FBN2: variants seen among roughly 807,000 people sequenced by gnomAD.
The protein encoded by FBN2 is fibrillin-2.
A neutral mutation model predicts 355.6 loss-of-function variants in FBN2; 105 were observed. That is an observed-to-expected ratio of 0.30 (90% CI 0.25 to 0.35). FBN2 has a LOEUF of 0.35. Ranked by LOEUF, FBN2 falls within the 10% of genes least tolerant of loss-of-function variation. The probability of loss-of-function intolerance (pLI) is 1.00; values close to 1 mark genes in which losing one functional copy is unlikely to be tolerated. For missense variants in FBN2, 3,280 were observed against 3,758.7 expected, an observed-to-expected ratio of 0.87 and a Z score of 3.33; for synonymous variants, 1,350 against 1,301.2, an observed-to-expected ratio of 1.04 and a Z score of -0.81.
At chr5:128,502,586 G>C (rs965416546) in intron 5 of FBN2, among the ~76,000 whole-genome samples, 2 of 117,930 alleles carry the variant, frequency 1.7e-5, no homozygotes, top group African/African-American at 1.0e-4. Context: ...ATCTATAGGT[G>C]AGGTGAAAAA....
At chr5:128,329,755 T>G (rs996661761) in intron 33 of FBN2, among the ~76,000 whole-genome samples, 1 of 152,238 alleles carries the variant, frequency 6.6e-6, no homozygotes, top group Non-Finnish European at 1.5e-5. Flanking sequence ...ATTTTTGATG[T>G]CCACAATTTG....
chr5:128,373,055 T>C (rs909087959), intron 15 of FBN2, among the ~76,000 whole-genome samples: 1 of 152,212 alleles, frequency 6.6e-6, no homozygotes, highest in African/African-American at 2.4e-5. Flanking sequence ...ATGTTTTTAT[T>C]TTAAAAAGTT....
At position 128,311,394 on chromosome 5, in the gene FBN2, G is replaced by A. The variant is rs1401277013; in HGVS notation, c.4980C>T (p.Leu1660=). The change falls in exon 39 of 65, where the codon CTC becomes CTT. Residue 1660 remains leucine (L), a synonymous_variant. Transcript: ENST00000262464. ...DIDECQELPG[L]CQGGNCINTF... ...TGTTGATGCAGTTTCCACCCTGGCA[G>A]AGACCTGGTAACTCCTGGCATTCGT... 1 of 1,614,122 alleles carries A rather than the reference G, an allele frequency of 6.2e-7. No homozygotes were observed. Among genetic ancestry groups the A allele is most frequent in the Admixed American group, 1.7e-5 (1 of 60,024 alleles).
In FBN2 at chr5:128,378,793, A is replaced by G. The variant is rs912410445; in HGVS notation, c.1701T>C (p.Thr567=). The G allele has an allele frequency of 6.2e-7, 1 of 1,613,078 alleles. No homozygotes were observed. The highest frequency in any genetic ancestry group is 1.3e-5 in the African/African-American group (1 of 74,886). The change falls in exon 12 of 65, where the codon ACT becomes ACC. Residue 567 remains threonine (T), a synonymous_variant. Transcript: ENST00000262464. ...YCKCHAGFQR[T]PTKQACIDID... is the part of the protein sequence containing the mutation. The stretch of plus-strand genomic sequence containing the variant: ...TACCAATGCATGCTTGCTTGGTAGG[A>G]GTCCTCTGGAATCCAGCATGACATT...
At chr5:128,328,394 T>A (rs951196748) in intron 34 of FBN2, 82 of 592,222 alleles carry the variant, frequency 1.4e-4, no homozygotes, top group Non-Finnish European at 2.3e-4. Context: ...CTGAATAGTT[T>A]CTCCACATGT....
intron 7 of FBN2, among the ~76,000 whole-genome samples, chr5:128,416,015 C>T (rs920637289): frequency 6.7e-6 from 1 of 149,936 alleles, no homozygotes; most frequent in East Asian, 1.9e-4. Context: ...GAGAAATGTC[C>T]ATAGTTTGCA....
Position 128,418,573 on chromosome 5 carries a change from T to A in FBN2, c.953-9774A>T, listed in dbSNP as rs188682993. Among the ~76,000 whole-genome samples, 54 of 152,310 alleles carry A rather than the reference T, an allele frequency of 3.5e-4. 1 individual carries two copies. The highest frequency in any genetic ancestry group is 1.3e-3 in the African/African-American group (53 of 41,588). Reference sequence around the variant, plus strand: ...ATTGTCATTTGTTTCAAGACATTTTTAAAATGTCCTTATTCCTTTCTTCAT... The same window carrying A: ...ATTGTCATTTGTTTCAAGACATTTTAAAAATGTCCTTATTCCTTTCTTCAT... On this transcript the variant is annotated intron_variant, in intron 7 of 64. Coordinates refer to ENST00000262464, the MANE Select transcript of FBN2 (RefSeq NM_001999.4).
intron 8 of FBN2, among the ~76,000 whole-genome samples, chr5:128,406,359 C>A (rs1289271422): frequency 6.6e-6 from 1 of 152,162 alleles, no homozygotes; most frequent in Non-Finnish European, 1.5e-5. Context: ...ACATGAAATT[C>A]TTTTTCTTCA....
intron 7 of FBN2, among the ~76,000 whole-genome samples, chr5:128,438,961 A>AAC (rs1048081129): frequency 5.3e-5 from 8 of 152,102 alleles, no homozygotes; most frequent in African/African-American, 1.7e-4. Flanking sequence ...TCTATGCATT[A>AAC]ACACACACAC....
chr5:128,314,061 G>C (rs1416194885), intron 36 of FBN2, among the ~76,000 whole-genome samples: 1 of 151,800 alleles, frequency 6.6e-6, no homozygotes, highest in Non-Finnish European at 1.5e-5. Context: ...CTGTAAGCCA[G>C]AGTGACCCTT....
Position 128,393,197 on chromosome 5 carries a change from G to A in FBN2, c.1403C>T (p.Ser468Phe), listed in dbSNP as rs755762373. 2 of 1,614,178 alleles carry A rather than the reference G, an allele frequency of 1.2e-6. No individual in the cohort carries two copies. Among genetic ancestry groups the A allele is most frequent in the Non-Finnish European group, 1.7e-6 (2 of 1,180,024 alleles). The change falls in exon 10 of 65, where the codon TCT becomes TTT. Residue 468 changes from serine (S) to phenylalanine (F), a missense_variant. Physicochemically the swap from Ser to Phe is radical, Grantham distance 155. Transcript: ENST00000262464. ...CACACCGGCTCCCCCAACGCCAGGA[G>A]AAAAGCCATTGCCTCCAGGGATGGG... Reference protein sequence around the residue: ...FIPIPGGNGFSPGVGGAGVGA... With the variant: ...FIPIPGGNGFFPGVGGAGVGA...
At chr5:128,267,132 A>G (rs1243492250) in intron 62 of FBN2, among the ~76,000 whole-genome samples, 1 of 152,188 alleles carries the variant, frequency 6.6e-6, no homozygotes, top group Non-Finnish European at 1.5e-5. Context: ...AGCTTCATCC[A>G]TGTCCCTGCA....
At chr5:128,513,668 C>CT (rs1756193846) in intron 5 of FBN2, among the ~76,000 whole-genome samples, 1 of 152,188 alleles carries the variant, frequency 6.6e-6, no homozygotes, top group Admixed American at 6.5e-5. Context: ...AAAGCCTGGC[C>CT]TCTCCCAGGT....
intron 5 of FBN2, among the ~76,000 whole-genome samples, chr5:128,471,118 G>T (rs1299401329): frequency 6.6e-6 from 1 of 152,044 alleles, no homozygotes; most frequent in Non-Finnish European, 1.5e-5. Context: ...TCTTGTATGG[G>T]AGTTACAGAC....
intron 7 of FBN2, among the ~76,000 whole-genome samples, chr5:128,443,982 T>C (rs926154569): frequency 6.6e-6 from 1 of 151,902 alleles, no homozygotes; most frequent in Non-Finnish European, 1.5e-5. Context: ...GTAGCAACTG[T>C]TTATAGTTTT....
intron 7 of FBN2, among the ~76,000 whole-genome samples, chr5:128,409,757 T>G (rs1032391301): frequency 6.6e-6 from 1 of 152,184 alleles, no homozygotes; most frequent in Admixed American, 6.5e-5. Flanking sequence ...AGATAATTAC[T>G]GAAAAGTCAA....
intron 11 of FBN2, among the ~76,000 whole-genome samples, chr5:128,390,784 G>A (rs530096646): frequency 3.0e-4 from 45 of 152,234 alleles, no homozygotes; most frequent in Non-Finnish European, 5.6e-4. Flanking sequence ...ACATTTTCTT[G>A]AAAATAATGC....
chr5:128,261,960 T>C, intron 63 of FBN2, 53 bp from the exon 64 acceptor site: 1 of 1,486,482 alleles, frequency 6.7e-7, no homozygotes, highest in Non-Finnish European at 9.4e-7. Flanking sequence ...TTGACCATAG[T>C]TTTCCAGTGG....
At chr5:128,275,894 T>G in intron 59 of FBN2, 144 bp downstream of exon 59, 1 of 910,210 alleles carries the variant, frequency 1.1e-6, no homozygotes, top group Non-Finnish European at 1.8e-6. Context: ...TTGGTAGAGT[T>G]TTTCTATGAG....
Sources: allele counts gnomAD v4.1 joint callset (sites outside exome capture counted in the v4.1 genomes callset), GRCh38; gene constraint gnomAD v4.1.1; transcripts MANE v1.5; gene names NCBI Gene and HGNC (gene_info 2026-07-23, HGNC 2026-07-21).